Variants in PHC2 observed in about 807,000 individuals in gnomAD.
PHC2 encodes the protein polyhomeotic homolog 2, also known as polyhomeotic-like protein 2.
PHC2 carries 29 observed loss-of-function variants against 87.4 expected under a neutral mutation model. That is an observed-to-expected ratio of 0.33 (90% confidence interval 0.25 to 0.45). The LOEUF (loss-of-function observed/expected upper bound fraction) is 0.45, where lower values mean the gene tolerates loss of function less well. Among genes scored for constraint, PHC2 ranks in the 20% least tolerant of loss-of-function variants. PHC2 has a pLI of 1.00. For missense variants in PHC2, 857 were observed against 1,136.7 expected, an observed-to-expected ratio of 0.75 and a Z score of 3.54; for synonymous variants, 438 against 461.7, an observed-to-expected ratio of 0.95 and a Z score of 0.66.
rs764348786 is a variant in PHC2, at chr1:33,354,917, T to C, written c.1313A>G (p.Glu438Gly). 19 of 1,614,072 alleles carry C rather than the reference T, an allele frequency of 1.2e-5. No individual in the cohort carries two copies. Among genetic ancestry groups the C allele is most frequent in the Non-Finnish European group, 1.6e-5 (19 of 1,180,042 alleles). The change falls in exon 8 of 15, where the codon GAG (glutamate) becomes GGG (glycine). Residue 438 changes from glutamate to glycine, a missense_variant. By Grantham distance (98) the Glu-to-Gly change is moderately conservative (BLOSUM62 -2). This residue lies in a region of PHC2 where 832 missense variants were observed against 1,081.8 expected (regional missense o/e 0.77). Transcript: ENST00000683057. The part of the protein sequence containing the change: ...PDTGPQNGHP[E>G]GVPHTPQRRF... ...GCGTTGAGGGGTGTGGGGCACGCCCTCGGGATGTCCATTCTGAGGCCCAGT... is the reference window on the plus strand; with the variant it reads ...GCGTTGAGGGGTGTGGGGCACGCCCCCGGGATGTCCATTCTGAGGCCCAGT...
At chr1:33,358,225 T>C (rs1390025952) in intron 7 of PHC2, among the ~76,000 whole-genome samples, 1 of 152,182 alleles carries the variant, frequency 6.6e-6, no homozygotes, top group Non-Finnish European at 1.5e-5. Context: ...CACACATTTG[T>C]TTTCCCAAAA....
Position 33,376,127 on chromosome 1 carries a change from C to T in PHC2, c.-54-534G>A, listed in dbSNP as rs144386345. Among the ~76,000 whole-genome samples, 544 of 152,260 alleles carry T rather than the reference C, an allele frequency of 3.6e-3. 1 individual carries two copies. Among genetic ancestry groups the T allele is most frequent in the African/African-American group, 0.013 (530 of 41,544 alleles). On this transcript the variant is annotated intron_variant, in intron 1 of 14. Transcript: ENST00000683057. ...TCGGCTCACTGCAATCTCCATCTCC[C>T]GGGTTCAAGCGATTCTCGTGCCTCA...
At chr1:33,393,475 T>C (rs1233526464) in intron 1 of PHC2, among the ~76,000 whole-genome samples, 1 of 150,964 alleles carries the variant, frequency 6.6e-6, no homozygotes, top group Non-Finnish European at 1.5e-5. Context: ...TTTTTTTTTT[T>C]TTTTTTTCTT....
chr1:33,418,938 C>T (rs1466148783), intron 1 of PHC2, among the ~76,000 whole-genome samples: 2 of 152,306 alleles, frequency 1.3e-5, no homozygotes, highest in East Asian at 1.9e-4. Context: ...GTGTAAAGCC[C>T]TGTATAGCAT....
At chr1:33,351,251 T>C (rs534722925) in intron 9 of PHC2, among the ~76,000 whole-genome samples, 1 of 152,346 alleles carries the variant, frequency 6.6e-6, no homozygotes, top group Non-Finnish European at 1.5e-5. Flanking sequence ...GAATTTCAGA[T>C]AATTTTCATG....
In PHC2 at chr1:33,334,707, G is replaced by A. The variant is rs1429424944; in HGVS notation, c.1559-415C>T. Among the ~76,000 whole-genome samples, 3 of 152,252 alleles carry A rather than the reference G, an allele frequency of 2.0e-5. No individual in the cohort carries two copies. In the East Asian group the frequency reaches 5.8e-4, roughly 29 times the overall value. ...ATCTAAAACCAGGACAAGAAGCTGA[G>A]CTAGGTATAGGGCTTTGAGTGTGAT... is the stretch of plus-strand genomic sequence containing the variant. On this transcript the variant is annotated intron_variant, in intron 9 of 14. Coordinates refer to ENST00000683057, the MANE Select transcript of PHC2 (RefSeq NM_001385109.1). The surrounding 1 kb of genome is among the most constrained non-coding windows in gnomAD (Gnocchi z 5.5).
chr1:33,390,855 G>C (rs975891609), intron 1 of PHC2, among the ~76,000 whole-genome samples: 27 of 151,984 alleles, frequency 1.8e-4, no homozygotes, highest in African/African-American at 6.5e-4. Flanking sequence ...GTTGTGACCT[G>C]GATTTGGCCC....
At chr1:33,419,157 TA>T (rs1344052511) in intron 1 of PHC2, among the ~76,000 whole-genome samples, 2 of 152,264 alleles carry the variant, frequency 1.3e-5, no homozygotes, top group African/African-American at 4.8e-5. Flanking sequence ...TGGCACATAG[TA>T]AAGACTACAT....
chr1:33,393,002 GC>G (rs1649133961), intron 1 of PHC2, among the ~76,000 whole-genome samples: 2 of 152,128 alleles, frequency 1.3e-5, no homozygotes, highest in African/African-American at 4.8e-5. Context: ...TTGAAGCCAG[GC>G]ACATGCTTCA....
intron 1 of PHC2, among the ~76,000 whole-genome samples, chr1:33,409,493 A>G (rs1202198665): frequency 1.3e-5 from 2 of 152,236 alleles, no homozygotes; most frequent in South Asian, 2.1e-4. Flanking sequence ...TGCTAGGATA[A>G]CAGGTTTTTT....
chr1:33,330,849 A>G (rs1358242649), intron 12 of PHC2, among the ~76,000 whole-genome samples: 1 of 152,222 alleles, frequency 6.6e-6, no homozygotes, highest in African/African-American at 2.4e-5. Context: ...AACCTGTATA[A>G]AGGGGACAAT....
intron 9 of PHC2, chr1:33,345,603 T>C (rs1053288541): frequency 8.2e-6 from 8 of 979,130 alleles, no homozygotes; most frequent in Non-Finnish European, 9.7e-6. Flanking sequence ...GCTGTGTTCC[T>C]TAGCATACTT....
chr1:33,395,978 T>G (rs907031488), intron 1 of PHC2, among the ~76,000 whole-genome samples: 1 of 152,234 alleles, frequency 6.6e-6, no homozygotes, highest in African/African-American at 2.4e-5. Context: ...ACTGGACTTA[T>G]GTAGGACACG....
Position 33,355,141 on chromosome 1 carries a change from G to T in PHC2, c.1089C>A (p.Pro363=). ...QPQPQQQQPP[P]QQSRPVLQAE... ...CTTGGAGCACAGGCCGTGACTGCTGGGGCGGCGGCTGCTGCTGTTGTGGCT... is the reference window on the plus strand; with the variant it reads ...CTTGGAGCACAGGCCGTGACTGCTGTGGCGGCGGCTGCTGCTGTTGTGGCT... Residue 363 remains proline, a synonymous_variant, in exon 8 of 15, where the codon CCC becomes CCA. Transcript: ENST00000683057. The T allele has an allele frequency of 6.2e-7, 1 of 1,611,454 alleles. No individual in the cohort carries two copies. Among genetic ancestry groups the T allele is most frequent in the Non-Finnish European group, 8.5e-7 (1 of 1,179,118 alleles).
rs866683703 is a variant in PHC2 at position 33,400,951 on chromosome 1, A to G, written c.-54-25358T>C. On this transcript the variant is annotated intron_variant, in intron 1 of 14. Coordinates refer to ENST00000683057, the MANE Select transcript of PHC2 (RefSeq NM_001385109.1). ...TCTACATTAAAAATAATAAATAAAT[A>G]AATAAATAAAAGCATTAAAGGAATT... 5.9e-5 allele frequency among the ~76,000 whole-genome samples: 9 copies of G among 152,316 alleles called. No homozygotes were observed. The East Asian group carries it at 7.7e-4, about 13-fold the overall frequency.
intron 1 of PHC2, among the ~76,000 whole-genome samples, chr1:33,406,686 G>T (rs900547997): frequency 6.6e-6 from 1 of 152,094 alleles, no homozygotes; most frequent in African/African-American, 2.4e-5. Flanking sequence ...CTCTGTTTTT[G>T]TTTGCCTCAA....
At chr1:33,396,087 A>T (rs1020255505) in intron 1 of PHC2, among the ~76,000 whole-genome samples, 1 of 152,082 alleles carries the variant, frequency 6.6e-6, no homozygotes, top group Admixed American at 6.5e-5. Context: ...GAATTAAAAA[A>T]CCTTAAGCCA....
intron 1 of PHC2, among the ~76,000 whole-genome samples, chr1:33,391,650 T>G (rs1165534505): frequency 7.5e-6 from 1 of 134,084 alleles, no homozygotes; most frequent in Non-Finnish European, 1.5e-5. Flanking sequence ...TTCCCTTTGA[T>G]AGGAAAAAAA....
intron 1 of PHC2, among the ~76,000 whole-genome samples, chr1:33,389,059 T>G (rs1164960934): frequency 7.3e-6 from 1 of 137,872 alleles, no homozygotes; most frequent in Non-Finnish European, 1.5e-5. Flanking sequence ...ATGTTCTTGT[T>G]AAAAAAAAAA....
Sources: allele counts gnomAD v4.1 joint callset (sites outside exome capture counted in the v4.1 genomes callset), GRCh38; gene constraint gnomAD v4.1.1; regional missense constraint gnomAD v4.1.1; non-coding constraint Gnocchi (gnomAD v3.1); transcripts MANE v1.5; gene names NCBI Gene and HGNC (gene_info 2026-07-23, HGNC 2026-07-21).